Variants in OR3A2 observed in about 807,000 individuals in gnomAD.
The protein encoded by OR3A2 is olfactory receptor 3A2.
For missense variants in OR3A2, 318 were observed against 392.8 expected (o/e 0.81, Z 1.61); for synonymous variants, 126 against 159.3 (o/e 0.79, Z 1.57).
At chr17:3,341,835 C>T (rs2150647949) in intron 2 of OR3A2, among the ~76,000 whole-genome samples, 1 of 152,310 alleles carries the variant, frequency 6.6e-6, no homozygotes, top group South Asian at 2.1e-4. Flanking sequence ...GGGAAGTTCT[C>T]CTGGATAATA....
chr17:3,381,786 G>T (rs573613283), intron 2 of OR3A2, among the ~76,000 whole-genome samples: 62 of 152,234 alleles, frequency 4.1e-4, no homozygotes, highest in African/African-American at 1.5e-3. Context: ...TGTCCTTCAA[G>T]CTCGCCCTGC....
upstream of OR3A2, among the ~76,000 whole-genome samples, chr17:3,288,246 C>CAAAAAAAAAAAAAAAAAAAAAAAAA: frequency 5.4e-5 from 4 of 73,492 alleles, no homozygotes; most frequent in East Asian, 1.2e-3. Context: ...ACCAAAAGGG[C>CAAAAAAAAAAAAAAAAAAAAAAAAA]AAAAAAAAAA....
intron 2 of OR3A2, among the ~76,000 whole-genome samples, chr17:3,371,376 ACCC>A (rs1275361331): frequency 8.0e-6 from 1 of 125,094 alleles, no homozygotes; most frequent in Non-Finnish European, 1.7e-5. Context: ...CGGGGGGCTG[ACCC>A]CCCCACCTCC....
chr17:3,331,241 C>A (rs1239820598), intron 3 of OR3A2, among the ~76,000 whole-genome samples: 2 of 151,704 alleles, frequency 1.3e-5, no homozygotes, highest in East Asian at 1.9e-4. Flanking sequence ...CTCTGTATTT[C>A]CTGAATCTGA....
At chr17:3,374,186 CCTTTAT>C (rs2049659113) in intron 2 of OR3A2, among the ~76,000 whole-genome samples, 1 of 152,166 alleles carries the variant, frequency 6.6e-6, no homozygotes, top group Non-Finnish European at 1.5e-5. Flanking sequence ...GATAGGTTTT[CCTTTAT>C]AGTTTACCTG....
At chr17:3,289,848 G>C (rs1298260209) in intron 3 of OR3A2, among the ~76,000 whole-genome samples, 1 of 152,142 alleles carries the variant, frequency 6.6e-6, no homozygotes, top group Non-Finnish European at 1.5e-5. Flanking sequence ...TTGTGTCCCT[G>C]AAGTTTGTCT....
At chr17:3,342,276 CAA>C (rs1180451860) in intron 2 of OR3A2, among the ~76,000 whole-genome samples, 1 of 152,222 alleles carries the variant, frequency 6.6e-6, no homozygotes, top group Non-Finnish European at 1.5e-5. Flanking sequence ...GTCAACTCGT[CAA>C]AGTCATTCTC....
At chr17:3,325,422 C>A (rs2049163575) in intron 3 of OR3A2, among the ~76,000 whole-genome samples, 1 of 151,940 alleles carries the variant, frequency 6.6e-6, no homozygotes, top group Non-Finnish European at 1.5e-5. Context: ...GTTGGCCAGG[C>A]TGGTCTCAAA....
chr17:3,357,678 G>A (rs1025397550), intron 2 of OR3A2, among the ~76,000 whole-genome samples: 2 of 151,388 alleles, frequency 1.3e-5, no homozygotes, highest in Non-Finnish European at 2.9e-5. Flanking sequence ...CAGTGCCAGT[G>A]AACTGTACAC....
At chr17:3,302,642 A>G (rs571694506) in intron 3 of OR3A2, among the ~76,000 whole-genome samples, 2 of 152,366 alleles carry the variant, frequency 1.3e-5, no homozygotes, top group Non-Finnish European at 2.9e-5. Context: ...TAGTTGCACT[A>G]ATTCCGTTCC....
intron 3 of OR3A2, among the ~76,000 whole-genome samples, chr17:3,296,925 A>AAAGC (rs1382767591): frequency 2.0e-5 from 3 of 152,254 alleles, no homozygotes; most frequent in African/African-American, 4.8e-5. Context: ...TTGAAGAAGG[A>AAAGC]AAGCTTTTCA....
At chr17:3,277,831 T>A in exon 2 of OR3A2, 1 of 881,952 alleles carries the variant, frequency 1.1e-6, no homozygotes, top group Non-Finnish European at 1.8e-6. Flanking sequence ...GGTTTCCTAG[T>A]AGGACAAATA....
chr17:3,318,702 G>C (rs1567552818), intron 3 of OR3A2, among the ~76,000 whole-genome samples: 1 of 152,234 alleles, frequency 6.6e-6, no homozygotes, highest in East Asian at 1.9e-4. Context: ...GTTGTTTCCA[G>C]TTTTTCACTA....
upstream of OR3A2, among the ~76,000 whole-genome samples, chr17:3,287,857 A>C (rs2048827992): frequency 6.6e-6 from 1 of 151,674 alleles, no homozygotes; most frequent in African/African-American, 2.4e-5. Context: ...TGTATATGTA[A>C]TCGAGCTTAT....
chr17:3,365,108 G>A (rs770215348), intron 2 of OR3A2, among the ~76,000 whole-genome samples: 3 of 152,128 alleles, frequency 2.0e-5, no homozygotes, highest in Non-Finnish European at 2.9e-5. Context: ...TCCAAATGGT[G>A]TCACTACAGT....
chr17:3,284,876 A>T (rs1339240124), upstream of OR3A2, among the ~76,000 whole-genome samples: 2 of 150,906 alleles, frequency 1.3e-5, no homozygotes, highest in African/African-American at 4.9e-5. Context: ...GAAACAAGCC[A>T]ATTCCTGAAC....
chr17:3,341,064 C>T (rs230439), intron 2 of OR3A2, among the ~76,000 whole-genome samples: 102,002 of 151,834 alleles, frequency 0.67, 35,452 homozygotes, highest in East Asian at 1. Flanking sequence ...TAAAGTCTGT[C>T]TTATCAGAGA....
At chr17:3,285,922 C>T (rs74985511), upstream of OR3A2, among the ~76,000 whole-genome samples, 2,793 of 152,276 alleles carry the variant, frequency 0.018, 90 homozygotes, top group African/African-American at 0.063. Flanking sequence ...TAGATTTTCT[C>T]TTTTTAAATA....
upstream of OR3A2, among the ~76,000 whole-genome samples, chr17:3,285,199 T>G (rs186526313): frequency 4.0e-4 from 61 of 152,232 alleles, no homozygotes; most frequent in East Asian, 7.0e-3. Flanking sequence ...TGGGAAGATG[T>G]AGGCGTGTGT....
Sources: allele counts gnomAD v4.1 joint callset (sites outside exome capture counted in the v4.1 genomes callset), GRCh38; gene constraint gnomAD v4.1.1; transcripts MANE v1.5; gene names NCBI Gene and HGNC (gene_info 2026-07-23, HGNC 2026-07-21).